LINGO2: variants seen among roughly 807,000 people sequenced by gnomAD.
LINGO2 encodes leucine rich repeat and Ig domain containing 2.
A neutral mutation model predicts 30.6 loss-of-function variants in LINGO2; 14 were observed. The ratio of observed to expected loss-of-function variants is 0.46; its 90% CI spans 0.30 to 0.72. LINGO2 has a LOEUF of 0.72. Among genes scored for constraint, LINGO2 ranks in the 30% least tolerant of loss-of-function variants. LINGO2 has a pLI of 0.07. For synonymous variants in LINGO2, 317 were observed against 288.5 expected (o/e 1.10, Z -1.00); for missense variants, 729 against 751.7 (o/e 0.97, Z 0.35).
chr9:28,452,873 C>T (rs945761467), intron 2 of LINGO2, among the ~76,000 whole-genome samples: 1 of 151,734 alleles, frequency 6.6e-6, no homozygotes, highest in African/African-American at 2.4e-5. Context: ...TAAGAGTTAA[C>T]ACTGAAAGAA....
rs752778212 is a variant in LINGO2, at chr9:28,433,966, T to TATATATATACAC, written c.-279+41973_-279+41974insGTGTATATATAT. On this transcript the variant is annotated intron_variant, in intron 2 of 5. Coordinates refer to ENST00000379992, the Ensembl canonical transcript of LINGO2. ...CTCTCTCTCTATATATATATATATATACACACACACACATGAAAATACTAC... is the reference window on the plus strand; with the variant it reads ...CTCTCTCTCTATATATATATATATATATATATATACACACACACACACACATGAAAATACTAC... Among the ~76,000 whole-genome samples the TATATATATACAC allele has an allele frequency of 1.1e-3, 108 of 99,972 alleles. 2 individuals carry two copies. Among genetic ancestry groups the TATATATATACAC allele is most frequent in the Non-Finnish European group, 2.0e-3 (85 of 42,220 alleles). 65.6% of individuals were successfully genotyped at this position (99,972 alleles called of 152,430 possible).
At chr9:28,314,022 C>T (rs892263211) in intron 3 of LINGO2, among the ~76,000 whole-genome samples, 2 of 152,150 alleles carry the variant, frequency 1.3e-5, no homozygotes, top group African/African-American at 2.4e-5. Context: ...CAGGCTCCAC[C>T]CCGCGGGGTT....
At chr9:28,443,702 G>A (rs576196501) in intron 2 of LINGO2, among the ~76,000 whole-genome samples, 43 of 152,340 alleles carry the variant, frequency 2.8e-4, no homozygotes, top group Middle Eastern at 3.4e-3. Flanking sequence ...GGGTGCCAAC[G>A]AGTGTGAGAG....
the LINGO2 span, among the ~76,000 whole-genome samples, chr9:29,126,981 C>A: frequency 6.6e-6 from 1 of 152,186 alleles, no homozygotes; most frequent in African/African-American, 2.4e-5. Flanking sequence ...CAGAACCAGT[C>A]AGACTGGTCA....
At chr9:28,527,729 T>G (rs867664607) in intron 1 of LINGO2, among the ~76,000 whole-genome samples, 5 of 152,124 alleles carry the variant, frequency 3.3e-5, no homozygotes, top group African/African-American at 1.2e-4. Context: ...GGAAAGGTAT[T>G]TATCTGCTTA....
chr9:28,973,712 T>A, the LINGO2 span, among the ~76,000 whole-genome samples: 2 of 152,200 alleles, frequency 1.3e-5, no homozygotes, highest in Non-Finnish European at 2.9e-5. Flanking sequence ...ATTAGCAGCA[T>A]GAGAACAGAC....
chr9:28,725,549 T>A, the LINGO2 span, among the ~76,000 whole-genome samples: 5 of 127,684 alleles, frequency 3.9e-5, no homozygotes, highest in African/African-American at 3.0e-5. Context: ...ATAAACAAAA[T>A]CTCAATCCAT....
At chr9:28,363,232 A>G (rs987432685) in intron 3 of LINGO2, among the ~76,000 whole-genome samples, 9 of 152,216 alleles carry the variant, frequency 5.9e-5, no homozygotes, top group Non-Finnish European at 2.9e-5. Context: ...TCCAGAGCCT[A>G]TGCTCTGCTT....
At chr9:29,174,892 G>A in the LINGO2 span, among the ~76,000 whole-genome samples, 3 of 152,176 alleles carry the variant, frequency 2.0e-5, no homozygotes, top group Non-Finnish European at 2.9e-5. Flanking sequence ...GTTCAGTGTA[G>A]TAGTTATGGA....
intron 4 of LINGO2, among the ~76,000 whole-genome samples, chr9:28,225,870 T>C (rs1223068977): frequency 1.2e-4 from 19 of 152,092 alleles, no homozygotes; most frequent in Non-Finnish European, 2.8e-4. Context: ...TTCCATAAGA[T>C]TGAAACAAAT....
chr9:28,284,139 G>A (rs1823424874), intron 4 of LINGO2, among the ~76,000 whole-genome samples: 1 of 152,004 alleles, frequency 6.6e-6, no homozygotes. Flanking sequence ...GTACATCCCT[G>A]AATCTCTTTC....
intron 5 of LINGO2, among the ~76,000 whole-genome samples, chr9:27,965,934 C>A (rs977939155): frequency 1.3e-5 from 2 of 152,092 alleles, no homozygotes; most frequent in Admixed American, 6.6e-5. Context: ...GCGCAACCGT[C>A]AAACTGTGTT....
At chr9:28,143,328 C>T (rs1246646373) in intron 4 of LINGO2, among the ~76,000 whole-genome samples, 8 of 152,126 alleles carry the variant, frequency 5.3e-5, no homozygotes, top group Non-Finnish European at 7.4e-5. Flanking sequence ...ATTCTAAGGA[C>T]TGGAATTGGA....
chr9:28,236,697 T>G lies in LINGO2; in HGVS notation c.-87+58511A>C, dbSNP rs112855873. Among the ~76,000 whole-genome samples, 958 of 152,112 alleles carry G rather than the reference T, an allele frequency of 6.3e-3. 12 individuals carry two copies. The highest frequency in any genetic ancestry group is 0.022 in the African/African-American group (911 of 41,492). ...TTAAAAATCAAAACAATTGAAACCA[T>G]GGACATAATAAATACAAGGATGTTT... On this transcript the variant is annotated intron_variant, in intron 4 of 5. Transcript: ENST00000379992.
the LINGO2 span, among the ~76,000 whole-genome samples, chr9:28,740,979 G>A: frequency 6.6e-6 from 1 of 151,928 alleles, no homozygotes; most frequent in Non-Finnish European, 1.5e-5. Flanking sequence ...ACTTGGCAGG[G>A]GCATGGCCAG....
chr9:28,149,779 C>A (rs1827937830), intron 4 of LINGO2, among the ~76,000 whole-genome samples: 1 of 151,134 alleles, frequency 6.6e-6, no homozygotes, highest in African/African-American at 2.4e-5. Context: ...GGAGCACTGC[C>A]TCTGCCCGGC....
At chr9:28,989,481 A>G in the LINGO2 span, among the ~76,000 whole-genome samples, 1 of 152,182 alleles carries the variant, frequency 6.6e-6, no homozygotes, top group Non-Finnish European at 1.5e-5. Context: ...TCACCAGGTA[A>G]CATATTAGAA....
At chr9:28,203,996 C>CAGAGTATA (rs1228868242) in intron 4 of LINGO2, among the ~76,000 whole-genome samples, 1 of 152,142 alleles carries the variant, frequency 6.6e-6, no homozygotes, top group Non-Finnish European at 1.5e-5. Flanking sequence ...AAAAGGGTCA[C>CAGAGTATA]AGAGTATATA....
intron 5 of LINGO2, among the ~76,000 whole-genome samples, chr9:28,009,937 T>C (rs559707782): frequency 1.3e-5 from 2 of 152,200 alleles, no homozygotes; most frequent in Non-Finnish European, 2.9e-5. Context: ...CATAGCACCA[T>C]TTTTCATAAT....
Sources: gnomAD v4.1 joint callset for allele counts (sites outside exome capture counted in the v4.1 genomes callset) on GRCh38, gnomAD v4.1.1 for gene constraint, MANE v1.5 for transcripts, NCBI Gene and HGNC (gene_info 2026-07-23, HGNC 2026-07-21) for gene names.